ADAM12: variants seen among roughly 807,000 people sequenced by gnomAD.
ADAM12 encodes the protein ADAM metallopeptidase domain 12, also known as disintegrin and metalloproteinase domain-containing protein 12.
ADAM12 carries 70 observed loss-of-function variants against 106.4 expected under a neutral mutation model. The ratio of observed to expected loss-of-function variants is 0.66; its 90% CI spans 0.54 to 0.80. The LOEUF (loss-of-function observed/expected upper bound fraction) is 0.80. Among genes scored for constraint, ADAM12 ranks in the 30% least tolerant of loss-of-function variants. The probability of loss-of-function intolerance (pLI) is 0.00; values close to 1 mark genes in which losing one functional copy is unlikely to be tolerated. For missense variants in ADAM12, 1,010 were observed against 1,171.9 expected (o/e 0.86, Z 2.02); for synonymous variants, 420 against 433.5 (o/e 0.97, Z 0.39).
chr10:126,251,619 T>A (rs1010832909), intron 3 of ADAM12, among the ~76,000 whole-genome samples: 1 of 38,602 alleles, frequency 2.6e-5, no homozygotes, highest in Non-Finnish European at 5.7e-5. Flanking sequence ...GATGCATGGA[T>A]AGATGAATGG....
chr10:126,295,551 A>G (rs889015363), intron 2 of ADAM12, among the ~76,000 whole-genome samples: 5 of 144,380 alleles, frequency 3.5e-5, no homozygotes, highest in African/African-American at 1.4e-4. Context: ...ACACACATAC[A>G]CACACACACA....
chr10:126,383,352 A>T (rs923735791), intron 1 of ADAM12, among the ~76,000 whole-genome samples: 3 of 152,172 alleles, frequency 2.0e-5, no homozygotes, highest in African/African-American at 7.2e-5. Flanking sequence ...AAAAATAGAT[A>T]AGAAAATTAA....
chr10:126,356,048 C>T (rs1257128876), intron 1 of ADAM12, among the ~76,000 whole-genome samples: 4 of 152,170 alleles, frequency 2.6e-5, no homozygotes, highest in Admixed American at 2.6e-4. Context: ...TTCTGCAACA[C>T]CCAAAACTTC....
chr10:126,252,119 TGG>T (rs1161879012), intron 3 of ADAM12, among the ~76,000 whole-genome samples: 23 of 31,886 alleles, frequency 7.2e-4, no homozygotes, highest in African/African-American at 2.7e-3. Flanking sequence ...ATGGATGGGA[TGG>T]ATGGATGGAT....
At chr10:126,200,222 C>T (rs1403380011) in intron 3 of ADAM12, among the ~76,000 whole-genome samples, 2 of 152,096 alleles carry the variant, frequency 1.3e-5, no homozygotes, top group African/African-American at 2.4e-5. Context: ...TCTGAGGGCA[C>T]TAGGAGGGAG....
intron 3 of ADAM12, among the ~76,000 whole-genome samples, chr10:126,259,140 G>T (rs1958950696): frequency 1.3e-5 from 2 of 151,990 alleles, no homozygotes; most frequent in Non-Finnish European, 2.9e-5. Flanking sequence ...GTAGGATCTT[G>T]GTGGTCTGTA....
In ADAM12 at chr10:126,039,312, GTCT is replaced by G. The variant is rs771187975; in HGVS notation, c.2219_2221del (p.Lys740del). On this transcript the variant is annotated inframe_deletion, in exon 19 of 23. Coordinates refer to ENST00000448723, the MANE Select transcript of ADAM12 (RefSeq NM_001288973.2). ...AGGGTACCTTAGTTTTTCAATGGTG[GTCT>G]TCTTATTTGTAAACAGCAGTCGTAT... The G allele has an allele frequency of 3.7e-5, 60 of 1,613,916 alleles. No homozygotes were observed. The Middle Eastern group carries it at 8.2e-4, about 22-fold the overall frequency.
At chr10:126,276,051 T>C (rs1175658699) in intron 3 of ADAM12, among the ~76,000 whole-genome samples, 1 of 152,210 alleles carries the variant, frequency 6.6e-6, no homozygotes, top group Non-Finnish European at 1.5e-5. Flanking sequence ...GAATTTTTTA[T>C]AATAAAAGTC....
intron 7 of ADAM12, among the ~76,000 whole-genome samples, chr10:126,108,935 G>A (rs1193339688): frequency 6.6e-6 from 1 of 152,110 alleles, no homozygotes; most frequent in Admixed American, 6.5e-5. Context: ...GACTTGTTTT[G>A]GCAAAGAGGA....
intron 3 of ADAM12, among the ~76,000 whole-genome samples, chr10:126,229,171 G>A (rs1291690305): frequency 6.6e-6 from 1 of 152,176 alleles, no homozygotes. Flanking sequence ...GGCGGGCAGG[G>A]GCTTCCGGTG....
chr10:126,252,344 G>T (rs1292310802), intron 3 of ADAM12, among the ~76,000 whole-genome samples: 1 of 152,110 alleles, frequency 6.6e-6, no homozygotes, highest in South Asian at 2.1e-4. Flanking sequence ...ATGGGAATTG[G>T]CTCATGCAGT....
intron 11 of ADAM12, among the ~76,000 whole-genome samples, chr10:126,082,459 C>G (rs1007634194): frequency 3.3e-5 from 5 of 150,232 alleles, no homozygotes; most frequent in Non-Finnish European, 5.9e-5. Context: ...ACTTCCGCCT[C>G]CCGGGTTCAA....
chr10:126,092,695 T>A (rs1187530015), intron 11 of ADAM12, among the ~76,000 whole-genome samples: 1 of 152,232 alleles, frequency 6.6e-6, no homozygotes. Flanking sequence ...CCTTGAATTA[T>A]GCTTAAGAGG....
chr10:126,266,245 T>C (rs7075646), intron 3 of ADAM12, among the ~76,000 whole-genome samples: 27,836 of 152,128 alleles, frequency 0.18, 2,638 homozygotes, highest in African/African-American at 0.23. Context: ...GGCCCTCCCA[T>C]TGCTGATGCT....
chr10:126,272,327 TA>T (rs1959181819), intron 3 of ADAM12, among the ~76,000 whole-genome samples: 1 of 152,234 alleles, frequency 6.6e-6, no homozygotes, highest in African/African-American at 2.4e-5. Flanking sequence ...TTAATAAAGA[TA>T]ATTAATATGA....
chr10:126,123,188 G>A (rs922029402), intron 5 of ADAM12, among the ~76,000 whole-genome samples: 8 of 152,204 alleles, frequency 5.3e-5, no homozygotes, highest in African/African-American at 1.9e-4. Flanking sequence ...GGAAACAACA[G>A]TGGACACAAA....
chr10:126,262,317 T>C (rs1308632209), intron 3 of ADAM12, among the ~76,000 whole-genome samples: 1 of 152,104 alleles, frequency 6.6e-6, no homozygotes, highest in Non-Finnish European at 1.5e-5. Context: ...AGGAATTCCA[T>C]GCCAATGATT....
intron 1 of ADAM12, among the ~76,000 whole-genome samples, chr10:126,380,262 G>C (rs1029234254): frequency 1.6e-4 from 25 of 152,220 alleles, no homozygotes; most frequent in African/African-American, 6.0e-4. Context: ...CTGTGAGAAA[G>C]TGTAATATTC....
chr10:126,375,548 T>C (rs1856257198), intron 1 of ADAM12, among the ~76,000 whole-genome samples: 2 of 152,040 alleles, frequency 1.3e-5, no homozygotes, highest in South Asian at 4.2e-4. Flanking sequence ...ATGTTAAAAA[T>C]TTAATGGTAC....
Sources: gnomAD v4.1 joint callset for allele counts (sites outside exome capture counted in the v4.1 genomes callset) on GRCh38, gnomAD v4.1.1 for gene constraint, MANE v1.5 for transcripts, NCBI Gene and HGNC (gene_info 2026-07-23, HGNC 2026-07-21) for gene names.